CDK14: variants seen among roughly 807,000 people sequenced by gnomAD.
CDK14 encodes the protein cyclin dependent kinase 14, also known as cyclin-dependent kinase 14.
Under a neutral mutation model 60.7 loss-of-function variants are expected in CDK14, and 34 were observed. That is an observed-to-expected ratio of 0.56 (90% CI 0.43 to 0.75). The LOEUF (loss-of-function observed/expected upper bound fraction) is 0.75. Ranked by LOEUF, CDK14 falls within the 30% of genes least tolerant of loss-of-function variation. The pLI, the probability that CDK14 is intolerant of heterozygous loss-of-function variation, is 0.00. For synonymous variants in CDK14, 197 were observed against 203.7 expected (o/e 0.97, Z 0.28); for missense variants, 482 against 564.1 (o/e 0.85, Z 1.47).
At chr7:91,142,214 T>TTTG (rs898194313) in intron 14 of CDK14, among the ~76,000 whole-genome samples, 14 of 152,156 alleles carry the variant, frequency 9.2e-5, no homozygotes, top group African/African-American at 3.4e-4. Flanking sequence ...ATCTCATTTT[T>TTTG]TTATTGTTGT....
intron 4 of CDK14, among the ~76,000 whole-genome samples, chr7:90,768,929 T>A (rs1462893793): frequency 6.6e-6 from 1 of 152,222 alleles, no homozygotes; most frequent in Non-Finnish European, 1.5e-5. Flanking sequence ...TAGTGTCGAT[T>A]TTTGATAGTA....
chr7:91,072,653 C>T (rs964254465), intron 11 of CDK14, among the ~76,000 whole-genome samples: 8 of 152,020 alleles, frequency 5.3e-5, no homozygotes, highest in African/African-American at 1.4e-4. Context: ...CCAGCAATGG[C>T]GCAGAACTGG....
chr7:90,709,815 G>A, intron 2 of CDK14: 1 of 1,419,046 alleles, frequency 7.0e-7, no homozygotes, highest in Admixed American at 3.2e-5. Flanking sequence ...CTTGGTTGTA[G>A]TACGGCCGTA....
At chr7:90,797,727 C>T (rs566766008) in intron 5 of CDK14, among the ~76,000 whole-genome samples, 2 of 152,002 alleles carry the variant, frequency 1.3e-5, no homozygotes, top group South Asian at 2.1e-4. Flanking sequence ...GAAGCAGGCA[C>T]GTCTTACATG....
chr7:90,676,448 G>A (rs1355555719), intron 2 of CDK14, among the ~76,000 whole-genome samples: 1 of 152,052 alleles, frequency 6.6e-6, no homozygotes, highest in South Asian at 2.1e-4. Flanking sequence ...GAGAGGTTGG[G>A]TGGAGTGAGG....
intron 5 of CDK14, among the ~76,000 whole-genome samples, chr7:90,819,781 C>G (rs929190529): frequency 6.6e-6 from 1 of 152,130 alleles, no homozygotes; most frequent in Non-Finnish European, 1.5e-5. Flanking sequence ...GAATTATCAT[C>G]TTTTAGACAA....
Position 91,112,559 on chromosome 7 carries a change from A to T in CDK14, c.1172A>T (p.His391Leu). 3 of 1,613,724 alleles carry T rather than the reference A, an allele frequency of 1.9e-6. No homozygotes were observed. Among genetic ancestry groups the T allele is most frequent in the Non-Finnish European group, 2.5e-6 (3 of 1,179,772 alleles). The change falls in exon 13 of 15, where the codon CAT (histidine) becomes CTT (leucine). Residue 391 changes from histidine to leucine, a missense_variant. Physicochemically the swap from His to Leu is moderately conservative, Grantham distance 99. Transcript: ENST00000380050. ...GTTTTTAGGCTCAGCTATGTGAACCATGCAGAGGACCTGGCCTCCAAGCTC... is the reference window on the plus strand; with the variant it reads ...GTTTTTAGGCTCAGCTATGTGAACCTTGCAGAGGACCTGGCCTCCAAGCTC... ...QAWNKLSYVNHAEDLASKLLQ... is the reference protein window; with the variant it reads ...QAWNKLSYVNLAEDLASKLLQ...
chr7:90,995,028 G>A (rs1391474380), intron 10 of CDK14, among the ~76,000 whole-genome samples: 2 of 152,162 alleles, frequency 1.3e-5, no homozygotes, highest in African/African-American at 2.4e-5. Flanking sequence ...ATGGCTCCTA[G>A]TGTGCCCACC....
At chr7:90,759,073 C>T (rs1000090506) in intron 4 of CDK14, among the ~76,000 whole-genome samples, 1 of 128,544 alleles carries the variant, frequency 7.8e-6, no homozygotes, top group South Asian at 2.6e-4. Flanking sequence ...AAAAAAAAAT[C>T]GTAAAACAAA....
chr7:90,713,344 A>G (rs188263956), intron 2 of CDK14, among the ~76,000 whole-genome samples: 1 of 152,148 alleles, frequency 6.6e-6, no homozygotes, highest in Non-Finnish European at 1.5e-5. Flanking sequence ...AGGGGACCCA[A>G]CCATTTATAG....
At chr7:91,132,275 A>G (rs1196039736) in intron 14 of CDK14, among the ~76,000 whole-genome samples, 1 of 152,204 alleles carries the variant, frequency 6.6e-6, no homozygotes, top group Non-Finnish European at 1.5e-5. Flanking sequence ...TTGCATGGGC[A>G]TACAGGAGGA....
intron 3 of CDK14, among the ~76,000 whole-genome samples, chr7:90,728,493 A>G (rs1056197358): frequency 1.3e-5 from 2 of 149,702 alleles, no homozygotes; most frequent in Non-Finnish European, 3.0e-5. Flanking sequence ...ATTTCCATGA[A>G]CTCTTTCTTA....
intron 12 of CDK14, among the ~76,000 whole-genome samples, chr7:91,105,654 C>T (rs1270992550): frequency 6.6e-6 from 1 of 152,110 alleles, no homozygotes; most frequent in African/African-American, 2.4e-5. Context: ...ACCATGGGCT[C>T]ACAATCCAAA....
chr7:90,628,808 C>A (rs1218411327), intron 2 of CDK14, among the ~76,000 whole-genome samples: 3 of 152,124 alleles, frequency 2.0e-5, no homozygotes, highest in African/African-American at 7.2e-5. Flanking sequence ...CCACTGCACT[C>A]CAGCCTTGGC....
chr7:91,156,439 G>C (rs976578422), intron 14 of CDK14, among the ~76,000 whole-genome samples: 4 of 152,144 alleles, frequency 2.6e-5, no homozygotes, highest in Admixed American at 2.0e-4. Context: ...ACGATTTAAG[G>C]AGGGAGTGAG....
At position 90,668,699 on chromosome 7, in the gene CDK14, CTTTTTTT is replaced by C. The variant is rs59773768; in HGVS notation, c.124-57847_124-57841del. On this transcript the variant is annotated intron_variant, in intron 2 of 14. Coordinates refer to ENST00000380050, the MANE Select transcript of CDK14 (RefSeq NM_001287135.2). The stretch of plus-strand genomic sequence containing the variant: ...TATGGTGTAAGGAAGGACTCGCATT[CTTTTTTT>C]TTTTTTTTTTTTTTTTTTTTCAACT... Among the ~76,000 whole-genome samples, 146 of 87,528 alleles carry C rather than the reference CTTTTTTT, an allele frequency of 1.7e-3. 10 individuals carry two copies. The highest frequency in any genetic ancestry group is 7.3e-3 in the East Asian group (26 of 3,578). The allele number at this position is 87,528 out of a possible 152,430, so 57.4% of individuals were successfully genotyped here. A position where few individuals can be genotyped will look rare whatever the true frequency, so the allele number is the denominator to read the frequency against.
chr7:90,640,139 A>G (rs1800285693), intron 2 of CDK14, among the ~76,000 whole-genome samples: 1 of 151,948 alleles, frequency 6.6e-6, no homozygotes, highest in African/African-American at 2.4e-5. Flanking sequence ...TCCTGTGCCC[A>G]CTGTCTGGCA....
At chr7:90,748,402 TATTA>T (rs1404590257) in intron 4 of CDK14, among the ~76,000 whole-genome samples, 1 of 152,160 alleles carries the variant, frequency 6.6e-6, no homozygotes, top group African/African-American at 2.4e-5. Context: ...TACTCTCCCT[TATTA>T]ATTAAGGACA....
intron 2 of CDK14, among the ~76,000 whole-genome samples, chr7:90,713,090 T>A (rs913259597): frequency 1.3e-5 from 2 of 152,054 alleles, no homozygotes; most frequent in African/African-American, 4.8e-5. Flanking sequence ...GGGTGTAAAT[T>A]TGATGCCACA....
Sources: allele counts gnomAD v4.1 joint callset (sites outside exome capture counted in the v4.1 genomes callset), GRCh38; gene constraint gnomAD v4.1.1; transcripts MANE v1.5; gene names NCBI Gene and HGNC (gene_info 2026-07-23, HGNC 2026-07-21).